ZNF704: variants seen among roughly 807,000 people sequenced by gnomAD.
ZNF704 encodes the protein glucocorticoid induced gene 1.
In ZNF704, 10 loss-of-function variants were observed where a neutral mutation model predicts 44.7. The observed-to-expected ratio is 0.22, with a 90% confidence interval of 0.14 to 0.38. The LOEUF is 0.38. Among genes scored for constraint, ZNF704 ranks in the 10% least tolerant of loss-of-function variants. The probability of loss-of-function intolerance (pLI) is 1.00; values close to 1 mark genes in which losing one functional copy is unlikely to be tolerated. For synonymous variants in ZNF704, 211 were observed against 207.6 expected (o/e 1.02, Z -0.14); for missense variants, 390 against 545.5 (o/e 0.71, Z 2.84).
chr8:80,696,024 C>T (rs1474952066), intron 2 of ZNF704, among the ~76,000 whole-genome samples: 2 of 152,080 alleles, frequency 1.3e-5, no homozygotes, highest in East Asian at 1.9e-4. Context: ...TTGTTTTTAT[C>T]TTTGTTTAAT....
chr8:80,729,482 G>C (rs1806539461), intron 2 of ZNF704, among the ~76,000 whole-genome samples: 2 of 152,190 alleles, frequency 1.3e-5, no homozygotes, highest in African/African-American at 4.8e-5. Context: ...GGAAGGGTAT[G>C]AGGACTAAGA....
intron 1 of ZNF704, among the ~76,000 whole-genome samples, chr8:80,825,137 A>G (rs1341555690): frequency 1.3e-5 from 2 of 152,230 alleles, no homozygotes; most frequent in African/African-American, 4.8e-5. Context: ...GGCAAATTGG[A>G]TAAAGAGTCA....
chr8:80,744,788 C>T (rs887456360), intron 2 of ZNF704, among the ~76,000 whole-genome samples: 4 of 152,092 alleles, frequency 2.6e-5, no homozygotes, highest in African/African-American at 9.7e-5. Flanking sequence ...ATGAACTAAC[C>T]AATATTAAAC....
At chr8:80,664,211 C>T (rs1818149113) in intron 6 of ZNF704, among the ~76,000 whole-genome samples, 1 of 152,076 alleles carries the variant, frequency 6.6e-6, no homozygotes, top group Non-Finnish European at 1.5e-5. Flanking sequence ...ATTCTCCCGC[C>T]TCAGCCTCCC....
intron 2 of ZNF704, among the ~76,000 whole-genome samples, chr8:80,720,695 AAAG>A (rs1273730792): frequency 2.6e-5 from 4 of 152,252 alleles, no homozygotes; most frequent in African/African-American, 9.6e-5. Context: ...CCACGAGGGT[AAAG>A]AAGGAAATAC....
At chr8:80,663,069 A>C (rs181628250) in intron 6 of ZNF704, among the ~76,000 whole-genome samples, 1 of 152,218 alleles carries the variant, frequency 6.6e-6, no homozygotes, top group East Asian at 1.9e-4. Flanking sequence ...ACATTGTATA[A>C]AAACAAATCA....
chr8:80,730,466 G>C (rs1806560171), intron 2 of ZNF704, among the ~76,000 whole-genome samples: 1 of 147,362 alleles, frequency 6.8e-6, no homozygotes, highest in Admixed American at 7.0e-5. Context: ...TTGAACCCAG[G>C]AGGCGGAGGT....
intron 7 of ZNF704, chr8:80,645,230 T>C (rs1817810225): frequency 6.7e-7 from 1 of 1,496,026 alleles, no homozygotes; most frequent in Middle Eastern, 2.4e-4. Flanking sequence ...AAAAAGAATG[T>C]TTCAACTAAT....
chr8:80,772,131 C>G (rs3857875), intron 2 of ZNF704, among the ~76,000 whole-genome samples: 1 of 152,098 alleles, frequency 6.6e-6, no homozygotes, highest in South Asian at 2.1e-4. Context: ...CAATATGTTA[C>G]GAATTTTTGA....
chr8:80,748,668 G>C (rs1034418485), intron 2 of ZNF704, among the ~76,000 whole-genome samples: 3 of 152,108 alleles, frequency 2.0e-5, no homozygotes, highest in African/African-American at 7.2e-5. Context: ...ACTTATTCTT[G>C]GGTGGGACGA....
chr8:80,819,995 T>A (rs1586050711), intron 2 of ZNF704, among the ~76,000 whole-genome samples: 1 of 152,244 alleles, frequency 6.6e-6, no homozygotes, highest in East Asian at 1.9e-4. Context: ...CCTGGTTAAC[T>A]GTTAGAAACC....
At position 80,630,509 on chromosome 8, in the gene ZNF704, G is replaced by A. The variant is rs184450078; in HGVS notation, c.*10857C>T. ...ATTTCATTTTAATATTTTAGATTTG[G>A]TGTAGAAAACAATTCAGAAGATGGC... On this transcript the variant is annotated 3_prime_UTR_variant, in exon 9 of 9. Transcript: ENST00000327835. The A allele has an allele frequency of 6.6e-6, 1 of 152,226 alleles. No homozygotes were observed. Among genetic ancestry groups the A allele is most frequent in the East Asian group, 1.9e-4 (1 of 5,192 alleles). 9.4% of individuals were successfully genotyped at this position (152,226 alleles called of 1,614,324 possible). A position where few individuals can be genotyped will look rare whatever the true frequency, so the allele number is the denominator to read the frequency against.
At chr8:80,879,598 C>T (rs1809399852), upstream of ZNF704, among the ~76,000 whole-genome samples, 1 of 152,092 alleles carries the variant, frequency 6.6e-6, no homozygotes, top group African/African-American at 2.4e-5. Flanking sequence ...ACAACATCAC[C>T]CTTAATTTCA....
upstream of ZNF704, among the ~76,000 whole-genome samples, chr8:80,878,781 C>T (rs988566311): frequency 1.3e-5 from 2 of 152,168 alleles, no homozygotes; most frequent in African/African-American, 4.8e-5. Flanking sequence ...TCAAAACACA[C>T]AGTACTTTCA....
At chr8:80,696,559 A>T (rs1818728377) in intron 2 of ZNF704, among the ~76,000 whole-genome samples, 1 of 152,152 alleles carries the variant, frequency 6.6e-6, no homozygotes, top group Admixed American at 6.5e-5. Flanking sequence ...CTGGGATTAC[A>T]GGCATGTGTC....
chr8:80,682,240 T>C (rs147818020), intron 4 of ZNF704, among the ~76,000 whole-genome samples: 2 of 152,372 alleles, frequency 1.3e-5, no homozygotes, highest in East Asian at 3.9e-4. Flanking sequence ...CATAGCTTTT[T>C]GGCTCTGGAA....
chr8:80,809,830 CA>C (rs1401160794), intron 2 of ZNF704, among the ~76,000 whole-genome samples: 2 of 152,180 alleles, frequency 1.3e-5, no homozygotes, highest in East Asian at 3.9e-4. Context: ...TGTCTTAGAA[CA>C]AACTTCTGAT....
At chr8:80,745,941 ATT>A (rs963292149) in intron 2 of ZNF704, among the ~76,000 whole-genome samples, 90 of 152,318 alleles carry the variant, frequency 5.9e-4, no homozygotes, top group African/African-American at 2.2e-3. Context: ...GATTAAATAT[ATT>A]TCTGTCAAGG....
At chr8:80,879,759 C>T (rs1205479127), upstream of ZNF704, among the ~76,000 whole-genome samples, 1 of 152,186 alleles carries the variant, frequency 6.6e-6, no homozygotes, top group Non-Finnish European at 1.5e-5. Flanking sequence ...GTATTAACCT[C>T]CCTTTCCACA....
Sources: allele counts gnomAD v4.1 joint callset (sites outside exome capture counted in the v4.1 genomes callset), GRCh38; gene constraint gnomAD v4.1.1; transcripts MANE v1.5; gene names NCBI Gene and HGNC (gene_info 2026-07-23, HGNC 2026-07-21).